Variants in FOXN1 observed in about 807,000 individuals in gnomAD.
The protein encoded by FOXN1 is forkhead box N1, also known as forkhead box protein N1.
Under a neutral mutation model 49.0 loss-of-function variants are expected in FOXN1, and 15 were observed. The observed-to-expected ratio is 0.31, with a 90% CI of 0.20 to 0.47. The LOEUF (loss-of-function observed/expected upper bound fraction) is 0.47, where lower values mean the gene tolerates loss of function less well. FOXN1 is among the 20% of genes least tolerant of loss of function. The pLI is 1.00. For missense variants in FOXN1, 800 were observed against 842.8 expected (o/e 0.95, Z 0.63); for synonymous variants, 356 against 369.0 (o/e 0.96, Z 0.40).
At chr17:28,527,500 T>C (rs1323311262) in intron 4 of FOXN1, 139 bp downstream of exon 4, 7 of 686,994 alleles carry the variant, frequency 1.0e-5, no homozygotes, top group Non-Finnish European at 1.9e-5. Context: ...AACCTTAGGC[T>C]TGGCCACAGC....
chr17:28,525,071 C>G, intron 3 of FOXN1, 104 bp downstream of exon 3: 1 of 913,460 alleles, frequency 1.1e-6, no homozygotes, highest in South Asian at 1.4e-5. Flanking sequence ...CTTCTCTTTG[C>G]AGACCTTGCC....
intron 1 of FOXN1, among the ~76,000 whole-genome samples, chr17:28,522,371 G>A (rs185623569): frequency 4.5e-4 from 68 of 152,300 alleles, no homozygotes; most frequent in Middle Eastern, 3.4e-3. Flanking sequence ...GTGAGAGGCC[G>A]GGCACAGTGG....
intron 5 of FOXN1, among the ~76,000 whole-genome samples, chr17:28,530,494 G>A (rs1361176928): frequency 6.6e-6 from 1 of 152,240 alleles, no homozygotes; most frequent in African/African-American, 2.4e-5. Flanking sequence ...GAGGTTCAGA[G>A]AGGGTAAGGC....
Position 28,538,892 on chromosome 17 carries a change from G to A in FOXN1, c.*1456G>A, listed in dbSNP as rs1357388493. The A allele has an allele frequency of 6.6e-6, 1 of 152,246 alleles. No individual in the cohort carries two copies. Among genetic ancestry groups the A allele is most frequent in the Non-Finnish European group, 1.5e-5 (1 of 68,070 alleles). The allele number at this position is 152,246 out of a possible 1,614,324, so 9.4% of individuals were successfully genotyped here. ...GGAACAATAAAGCAAGTGCCTTGTG[G>A]TCTCACTACCAAGCTTTCATTTCTG... On this transcript the variant is annotated 3_prime_UTR_variant, in exon 9 of 9. Transcript: ENST00000579795.
intron 1 of FOXN1, among the ~76,000 whole-genome samples, chr17:28,510,982 C>G (rs1555606920): frequency 6.6e-6 from 1 of 152,228 alleles, no homozygotes; most frequent in Non-Finnish European, 1.5e-5. Flanking sequence ...TGCCCCTTCT[C>G]CAGGGACATG....
rs761343928 is a variant in FOXN1 at position 28,524,883 on chromosome 17, C to T, written c.504C>T (p.Ala168=). The T allele has an allele frequency of 8.1e-6, 13 of 1,613,440 alleles. No individual in the cohort carries two copies. Among genetic ancestry groups the T allele is most frequent in the Admixed American group, 6.7e-5 (4 of 60,004 alleles). Residue 168 remains alanine (A), a synonymous_variant, in exon 3 of 9, where the codon GCC becomes GCT. Coordinates refer to ENST00000579795, the MANE Select transcript of FOXN1 (RefSeq NM_001369369.1). ...FEEIPVDVAE[A]EAFLPGFSAE... Reference sequence around the variant, plus strand: ...AGATCCCAGTGGACGTGGCGGAGGCCGAGGCCTTCCTGCCTGGCTTCTCAG... The same window carrying T: ...AGATCCCAGTGGACGTGGCGGAGGCTGAGGCCTTCCTGCCTGGCTTCTCAG...
chr17:28,514,812 C>T (rs933828177), intron 1 of FOXN1, among the ~76,000 whole-genome samples: 5 of 152,152 alleles, frequency 3.3e-5, no homozygotes, highest in Non-Finnish European at 5.9e-5. Flanking sequence ...TGCCCCAGGC[C>T]TGTCTGTCCC....
At chr17:28,524,283 C>A (rs1419382231) in intron 2 of FOXN1, among the ~76,000 whole-genome samples, 191 bp downstream of exon 2, 1 of 152,172 alleles carries the variant, frequency 6.6e-6, no homozygotes, top group Non-Finnish European at 1.5e-5. Context: ...GAGCCTGTCC[C>A]AGGGCTGTGA....
At position 28,518,833 on chromosome 17, in the gene FOXN1, C is replaced by T. The variant is rs187646524; in HGVS notation, c.-14-5123C>T. 1.9e-3 allele frequency among the ~76,000 whole-genome samples: 283 copies of T among 152,276 alleles called. 2 individuals are homozygous for T. The highest frequency in any genetic ancestry group is 2.1e-3 in the Non-Finnish European group (142 of 68,024). ...GTGGTTTTCAGTCAGCTGTGTAACC[C>T]TGCGCAGGTCATTTCTTCTCTCTGG... On this transcript the variant is annotated intron_variant, in intron 1 of 8. Coordinates refer to ENST00000579795, the MANE Select transcript of FOXN1 (RefSeq NM_001369369.1).
intron 1 of FOXN1, among the ~76,000 whole-genome samples, chr17:28,523,361 A>G (rs1277113969): frequency 6.6e-6 from 1 of 152,150 alleles, no homozygotes. Context: ...TTGGGTCCCC[A>G]GTTACACACT....
At chr17:28,516,920 A>T (rs1182402611) in intron 1 of FOXN1, among the ~76,000 whole-genome samples, 3 of 40,948 alleles carry the variant, frequency 7.3e-5, no homozygotes, top group African/African-American at 1.3e-4. Context: ...ACACCTCCAC[A>T]GGGTACACAC....
chr17:28,526,687 G>C (rs372969526), intron 3 of FOXN1, among the ~76,000 whole-genome samples: 1 of 152,202 alleles, frequency 6.6e-6, no homozygotes, highest in African/African-American at 2.4e-5. Context: ...CCAGGAGTCA[G>C]AGCGGAGAGG....
chr17:28,528,953 T>C lies in FOXN1; in HGVS notation c.700-141T>C, dbSNP rs634065. 1.3e-4 allele frequency: 134 copies of C among 1,038,210 alleles called. No homozygotes were observed. The African/African-American group carries it at 1.5e-3, about 11-fold the overall frequency. 64.3% of individuals were successfully genotyped at this position (1,038,210 alleles called of 1,614,324 possible). A position where few individuals can be genotyped will look rare whatever the true frequency, so the allele number is the denominator to read the frequency against. ...CTCACAGCCCCTCAGACAGCTCTGC[T>C]TTGGGGGTGATGGGGCCCATGACCC... On this transcript the variant is annotated intron_variant, in intron 4 of 8. Coordinates refer to ENST00000579795, the MANE Select transcript of FOXN1 (RefSeq NM_001369369.1).
chr17:28,533,483 G>GCACC (rs1555610609), intron 6 of FOXN1, among the ~76,000 whole-genome samples: 3 of 104,924 alleles, frequency 2.9e-5, no homozygotes, highest in East Asian at 2.5e-4. Flanking sequence ...ATTGGCACGA[G>GCACC]CACCCCCCCC....
intron 1 of FOXN1, among the ~76,000 whole-genome samples, chr17:28,523,016 G>A (rs1365023213): frequency 2.6e-5 from 4 of 152,194 alleles, no homozygotes; most frequent in African/African-American, 4.8e-5. Flanking sequence ...AGATGATGAC[G>A]CTGAAGTTCA....
At chr17:28,514,205 G>A (rs1185124099) in intron 1 of FOXN1, among the ~76,000 whole-genome samples, 1 of 152,122 alleles carries the variant, frequency 6.6e-6, no homozygotes, top group African/African-American at 2.4e-5. Flanking sequence ...GGAGAAGCCT[G>A]ATTTGGGGAC....
rs1034756587 is a variant in FOXN1, at chr17:28,527,242, T to C, written c.589-9T>C. 9.4e-6 allele frequency: 15 copies of C among 1,593,946 alleles called. No individual in the cohort carries two copies. The highest frequency in any genetic ancestry group is 8.9e-5 in the East Asian group (4 of 44,794). On this transcript the variant is annotated splice_polypyrimidine_tract_variant and intron_variant, in intron 3 of 8. Coordinates refer to ENST00000579795, the MANE Select transcript of FOXN1 (RefSeq NM_001369369.1). ...GCCTAATCTAGTCATCTGCTTTCTC[T>C]TCCAGCAGGGTTCAGAGGTCAAAGT...
At chr17:28,512,284 T>A (rs1302026326) in intron 1 of FOXN1, among the ~76,000 whole-genome samples, 2 of 152,224 alleles carry the variant, frequency 1.3e-5, no homozygotes, top group Admixed American at 1.3e-4. Context: ...GGGAACTTTC[T>A]TCTCTAGAAA....
intron 1 of FOXN1, among the ~76,000 whole-genome samples, chr17:28,515,905 T>C (rs2069484104): frequency 7.1e-6 from 1 of 140,058 alleles, no homozygotes; most frequent in African/African-American, 2.8e-5. Flanking sequence ...ACAGTGTCCA[T>C]ACCTTCACAG....
Sources: allele counts gnomAD v4.1 joint callset (sites outside exome capture counted in the v4.1 genomes callset), GRCh38; gene constraint gnomAD v4.1.1; transcripts MANE v1.5; gene names NCBI Gene and HGNC (gene_info 2026-07-23, HGNC 2026-07-21).